Variants in PTPRD observed in about 807,000 individuals in gnomAD.
PTPRD encodes the protein protein tyrosine phosphatase receptor type D, also known as receptor-type tyrosine-protein phosphatase delta.
In PTPRD, 34 loss-of-function variants were observed where a neutral mutation model predicts 214.5. That is an observed-to-expected ratio of 0.16 (90% CI 0.12 to 0.21). The LOEUF is 0.21. Among genes scored for constraint, PTPRD ranks in the 10% least tolerant of loss-of-function variants. PTPRD has a pLI of 1.00. For missense variants in PTPRD, 2,545 were observed against 2,398.7 expected (o/e 1.06, Z -1.27); for synonymous variants, 1,128 against 845.7 (o/e 1.33, Z -5.79).
chr9:9,636,178 A>T (rs1398658404), intron 7 of PTPRD, among the ~76,000 whole-genome samples: 1 of 152,140 alleles, frequency 6.6e-6, no homozygotes, highest in African/African-American at 2.4e-5. Context: ...CTCCTCACTC[A>T]TTCAAACCCT....
intron 35 of PTPRD, among the ~76,000 whole-genome samples, chr9:8,414,940 A>G (rs1339214434): frequency 4.7e-5 from 6 of 128,816 alleles, no homozygotes; most frequent in Non-Finnish European, 1.0e-4. Flanking sequence ...GGAGAGAGAG[A>G]GAGAGAGAGA....
chr9:8,645,246 C>G (rs1054023395), intron 12 of PTPRD, among the ~76,000 whole-genome samples: 1 of 152,150 alleles, frequency 6.6e-6, no homozygotes, highest in Admixed American at 6.5e-5. Context: ...AACATCATCC[C>G]AGGATCCAAT....
chr9:9,993,677 A>G (rs1246742564), intron 4 of PTPRD, among the ~76,000 whole-genome samples: 1 of 152,188 alleles, frequency 6.6e-6, no homozygotes, highest in Non-Finnish European at 1.5e-5. Flanking sequence ...TCAGGGGCTA[A>G]TATAACAAGA....
chr9:9,557,866 T>C (rs75245152), intron 8 of PTPRD, among the ~76,000 whole-genome samples: 2,005 of 152,250 alleles, frequency 0.013, 48 homozygotes, highest in African/African-American at 0.045. Context: ...TCAGGGGCTA[T>C]AGGCAGGTGA....
intron 3 of PTPRD, among the ~76,000 whole-genome samples, chr9:10,308,608 T>A (rs1340245611): frequency 6.6e-6 from 1 of 152,100 alleles, no homozygotes; most frequent in African/African-American, 2.4e-5. Flanking sequence ...ATACCATTAG[T>A]ATTTTGATAC....
At chr9:8,662,895 T>C (rs2097093111) in intron 12 of PTPRD, among the ~76,000 whole-genome samples, 1 of 152,186 alleles carries the variant, frequency 6.6e-6, no homozygotes, top group Non-Finnish European at 1.5e-5. Context: ...TTTCTACATA[T>C]GTATATAAAA....
chr9:9,785,173 T>C (rs1223927165), intron 5 of PTPRD, among the ~76,000 whole-genome samples: 10 of 151,968 alleles, frequency 6.6e-5, no homozygotes, highest in African/African-American at 2.4e-4. Context: ...AAAATCTTAT[T>C]GTATAATAAA....
intron 2 of PTPRD, among the ~76,000 whole-genome samples, chr9:10,374,232 T>G (rs1027463326): frequency 6.6e-6 from 1 of 152,104 alleles, no homozygotes; most frequent in Non-Finnish European, 1.5e-5. Flanking sequence ...TAGGCCTTAA[T>G]GCATAAACAA....
intron 3 of PTPRD, among the ~76,000 whole-genome samples, chr9:10,309,362 T>C (rs1265006481): frequency 6.6e-6 from 1 of 152,022 alleles, no homozygotes; most frequent in African/African-American, 2.4e-5. Context: ...TGTTGTGTTG[T>C]GTTTTTTGAA....
At chr9:10,017,141 T>C (rs940073769) in intron 4 of PTPRD, among the ~76,000 whole-genome samples, 1 of 152,208 alleles carries the variant, frequency 6.6e-6, no homozygotes, top group African/African-American at 2.4e-5. Flanking sequence ...CAAGTAGTAA[T>C]ATGCCCAATG....
intron 9 of PTPRD, among the ~76,000 whole-genome samples, chr9:9,276,825 G>A (rs570567198): frequency 1.3e-5 from 2 of 151,412 alleles, no homozygotes; most frequent in Admixed American, 6.6e-5. Flanking sequence ...CTAACTATGT[G>A]GGGAAAGTCA....
chr9:10,101,599 T>A (rs367461), intron 3 of PTPRD, among the ~76,000 whole-genome samples: 59,053 of 151,400 alleles, frequency 0.39, 12,479 homozygotes, highest in East Asian at 0.53. Flanking sequence ...AGTTCTTACC[T>A]CCATTTCAGG....
At chr9:10,209,821 G>A (rs1160500106) in intron 3 of PTPRD, among the ~76,000 whole-genome samples, 1 of 151,986 alleles carries the variant, frequency 6.6e-6, no homozygotes, top group African/African-American at 2.4e-5. Flanking sequence ...CATCAAAAAA[G>A]GGAAATTTTA....
At chr9:9,302,589 AGTTTTTTTTTTCTTTTTTTTTTTTTT>A (rs1379903416) in intron 9 of PTPRD, among the ~76,000 whole-genome samples, 1 of 99,948 alleles carries the variant, frequency 1.0e-5, no homozygotes, top group Non-Finnish European at 2.0e-5. Flanking sequence ...CATGTTTTGT[AGTTTTTTTTTTCTTTTTTTTTTTTTT>A]TTGTCTTTCC....
chr9:10,119,449 T>C (rs142168091), intron 3 of PTPRD, among the ~76,000 whole-genome samples: 1 of 152,158 alleles, frequency 6.6e-6, no homozygotes, highest in African/African-American at 2.4e-5. Flanking sequence ...TCTAATTTAG[T>C]ACATGAAAAA....
At chr9:9,527,159 A>G (rs1434423842) in intron 8 of PTPRD, among the ~76,000 whole-genome samples, 2 of 152,136 alleles carry the variant, frequency 1.3e-5, no homozygotes, top group East Asian at 3.9e-4. Flanking sequence ...CAAAGTTTTG[A>G]GTTTACTTTT....
chr9:9,950,795 C>T (rs1324857745), intron 4 of PTPRD, among the ~76,000 whole-genome samples: 2 of 150,492 alleles, frequency 1.3e-5, no homozygotes, highest in African/African-American at 2.4e-5. Context: ...CTTTTATACC[C>T]CTGAATCAAT....
At chr9:10,249,844 G>C (rs1405510804) in intron 3 of PTPRD, among the ~76,000 whole-genome samples, 1 of 152,048 alleles carries the variant, frequency 6.6e-6, no homozygotes, top group East Asian at 1.9e-4. Context: ...ATAGATGGCA[G>C]GGCCTGCAAT....
At chr9:10,122,469 G>A (rs1326045812) in intron 3 of PTPRD, among the ~76,000 whole-genome samples, 1 of 152,050 alleles carries the variant, frequency 6.6e-6, no homozygotes, top group East Asian at 1.9e-4. Flanking sequence ...GGTTCTAGAT[G>A]TTTAATTAAG....
Sources: gnomAD v4.1 joint callset for allele counts (sites outside exome capture counted in the v4.1 genomes callset) on GRCh38, gnomAD v4.1.1 for gene constraint, MANE v1.5 for transcripts, NCBI Gene and HGNC (gene_info 2026-07-23, HGNC 2026-07-21) for gene names.